Variants in ENTREP2 observed in about 807,000 individuals in gnomAD.
The protein encoded by ENTREP2 is protein ENTREP2.
the ENTREP2 span, among the ~76,000 whole-genome samples, chr15:29,222,585 C>A: frequency 5.3e-4 from 81 of 152,290 alleles, no homozygotes; most frequent in African/African-American, 1.7e-3. Context: ...CCACGTTTTC[C>A]TCCTCCTCTT....
the ENTREP2 span, among the ~76,000 whole-genome samples, chr15:29,246,760 A>T: frequency 6.6e-6 from 1 of 152,146 alleles, no homozygotes; most frequent in Admixed American, 6.6e-5. Context: ...ACATCTTTTA[A>T]CTTATCCTTC....
At chr15:29,555,161 T>C in the ENTREP2 span, among the ~76,000 whole-genome samples, 2 of 152,208 alleles carry the variant, frequency 1.3e-5, no homozygotes, top group Admixed American at 1.3e-4. Context: ...AGGATACTCA[T>C]CTATGATCTG....
chr15:29,592,369 G>T, the ENTREP2 span, among the ~76,000 whole-genome samples: 1 of 152,190 alleles, frequency 6.6e-6, no homozygotes, highest in Admixed American at 6.5e-5. Flanking sequence ...AACTTATAAA[G>T]AAACGTATTG....
At chr15:29,263,723 C>G in the ENTREP2 span, among the ~76,000 whole-genome samples, 1 of 152,114 alleles carries the variant, frequency 6.6e-6, no homozygotes. Flanking sequence ...AACTTCATCA[C>G]CTAGAGGGCT....
chr15:29,466,112 G>A, the ENTREP2 span, among the ~76,000 whole-genome samples: 1 of 152,220 alleles, frequency 6.6e-6, no homozygotes, highest in Non-Finnish European at 1.5e-5. Flanking sequence ...TTGAGGATCA[G>A]GAAAACCAAG....
At chr15:29,643,501 G>A in the ENTREP2 span, among the ~76,000 whole-genome samples, 1 of 151,154 alleles carries the variant, frequency 6.6e-6, no homozygotes, top group South Asian at 2.1e-4. Flanking sequence ...GACATGAAGA[G>A]GCTGGGCACA....
the ENTREP2 span, among the ~76,000 whole-genome samples, chr15:29,398,298 G>T: frequency 6.6e-6 from 1 of 151,728 alleles, no homozygotes; most frequent in Non-Finnish European, 1.5e-5. Flanking sequence ...AAAGAATGAA[G>T]AACATGGGGG....
At chr15:29,393,431 C>T in the ENTREP2 span, among the ~76,000 whole-genome samples, 1 of 152,216 alleles carries the variant, frequency 6.6e-6, no homozygotes, top group African/African-American at 2.4e-5. Context: ...GGTGGACACT[C>T]ATGCTCAGGG....
At chr15:29,455,788 C>G in the ENTREP2 span, among the ~76,000 whole-genome samples, 2 of 152,190 alleles carry the variant, frequency 1.3e-5, no homozygotes, top group Non-Finnish European at 1.5e-5. Flanking sequence ...TGTGTTACCA[C>G]CTGAGCTTTG....
the ENTREP2 span, chr15:29,570,020 G>T: frequency 1.3e-5 from 2 of 151,022 alleles, no homozygotes; most frequent in African/African-American, 2.4e-5. Flanking sequence ...AAAACCCGAC[G>T]GGAGGCGCCC....
the ENTREP2 span, among the ~76,000 whole-genome samples, chr15:29,466,729 T>C: frequency 2.8e-4 from 30 of 105,888 alleles, no homozygotes; most frequent in African/African-American, 8.1e-4. Context: ...CAGGGGTGGA[T>C]GCTGCAGCCC....
At chr15:29,455,051 C>G in the ENTREP2 span, among the ~76,000 whole-genome samples, 1 of 152,148 alleles carries the variant, frequency 6.6e-6, no homozygotes, top group Non-Finnish European at 1.5e-5. Flanking sequence ...TTTGCTCTGA[C>G]CAATGGAGCT....
the ENTREP2 span, among the ~76,000 whole-genome samples, chr15:29,389,528 G>C: frequency 1.3e-5 from 2 of 152,178 alleles, no homozygotes; most frequent in African/African-American, 4.8e-5. Flanking sequence ...CTTCTGTGGA[G>C]CCAAGTTGGA....
At chr15:29,225,270 C>T in the ENTREP2 span, among the ~76,000 whole-genome samples, 1 of 152,252 alleles carries the variant, frequency 6.6e-6, no homozygotes, top group Non-Finnish European at 1.5e-5. Context: ...CGCCCAGAGC[C>T]AGAGAGGGCT....
the ENTREP2 span, among the ~76,000 whole-genome samples, chr15:29,582,457 G>A: frequency 6.6e-6 from 1 of 151,938 alleles, no homozygotes; most frequent in Non-Finnish European, 1.5e-5. Flanking sequence ...CAAAAAGGAG[G>A]AAAATTTTTA....
the ENTREP2 span, among the ~76,000 whole-genome samples, chr15:29,355,381 G>C: frequency 5.9e-5 from 9 of 151,402 alleles, no homozygotes; most frequent in East Asian, 1.7e-3. Context: ...CGTGGTTCTG[G>C]ACAGTAATTT....
the ENTREP2 span, among the ~76,000 whole-genome samples, chr15:29,307,199 T>C: frequency 6.6e-6 from 1 of 152,078 alleles, no homozygotes; most frequent in African/African-American, 2.4e-5. Context: ...TCCTTCCTTT[T>C]ATACAAAAAA....
chr15:29,341,588 G>A, the ENTREP2 span, among the ~76,000 whole-genome samples: 1 of 152,206 alleles, frequency 6.6e-6, no homozygotes, highest in South Asian at 2.1e-4. Context: ...TGTTCCAGGT[G>A]CCGCGCAGAC....
the ENTREP2 span, among the ~76,000 whole-genome samples, chr15:29,435,985 T>C: frequency 6.6e-6 from 1 of 152,118 alleles, no homozygotes; most frequent in African/African-American, 2.4e-5. Flanking sequence ...AGTCAACCGA[T>C]GTACTAGAGC....
Sources: allele counts gnomAD v4.1 joint callset (sites outside exome capture counted in the v4.1 genomes callset), GRCh38; gene constraint gnomAD v4.1.1; transcripts MANE v1.5; gene names NCBI Gene and HGNC (gene_info 2026-07-23, HGNC 2026-07-21).